JMJD1C: variants seen among roughly 807,000 people sequenced by gnomAD.
JMJD1C encodes the protein jumonji domain containing 1C, also known as jumonji domain-containing protein 1C.
Under a neutral mutation model 245.3 loss-of-function variants are expected in JMJD1C, and 31 were observed. The observed-to-expected ratio is 0.13, with a 90% CI of 0.09 to 0.17. The LOEUF (loss-of-function observed/expected upper bound fraction) is 0.17, where lower values mean the gene tolerates loss of function less well. Among genes scored for constraint, JMJD1C ranks in the 10% least tolerant of loss-of-function variants. The pLI, the probability that JMJD1C is intolerant of heterozygous loss-of-function variation, is 1.00. For synonymous variants in JMJD1C, 1,057 were observed against 1,017.4 expected (o/e 1.04, Z -0.74); for missense variants, 2,691 against 3,000.2 (o/e 0.90, Z 2.41).
intron 1 of JMJD1C, among the ~76,000 whole-genome samples, chr10:63,495,553 C>T (rs893846159): frequency 6.6e-6 from 1 of 152,084 alleles, no homozygotes; most frequent in African/African-American, 2.4e-5. Context: ...GGGCAGATCA[C>T]CTGAGGTCAG....
intron 2 of JMJD1C, among the ~76,000 whole-genome samples, chr10:63,317,924 C>T (rs1014409077): frequency 1.3e-5 from 2 of 152,074 alleles, no homozygotes; most frequent in African/African-American, 4.8e-5. Context: ...GGCTCACTGC[C>T]ACTCCAACCT....
chr10:63,178,284 A>C (rs1435426517), intron 22 of JMJD1C, among the ~76,000 whole-genome samples: 1 of 152,216 alleles, frequency 6.6e-6, no homozygotes. Context: ...TTATATGTTC[A>C]TAACTTTTAG....
chr10:63,210,800 T>C (rs1847221385), intron 8 of JMJD1C, among the ~76,000 whole-genome samples: 1 of 152,210 alleles, frequency 6.6e-6, no homozygotes, highest in Non-Finnish European at 1.5e-5. Flanking sequence ...CTTTCTATTC[T>C]GGTAAAGAGG....
chr10:63,437,383 T>G (rs1253420129), intron 1 of JMJD1C, among the ~76,000 whole-genome samples: 1 of 152,114 alleles, frequency 6.6e-6, no homozygotes, highest in African/African-American at 2.4e-5. Flanking sequence ...AGCTCTTACC[T>G]CTCTCTCACT....
chr10:63,290,883 T>C (rs948266531), intron 2 of JMJD1C, among the ~76,000 whole-genome samples: 5 of 152,202 alleles, frequency 3.3e-5, no homozygotes, highest in African/African-American at 1.2e-4. Flanking sequence ...GAAATCTTTA[T>C]TTTTTTAAGA....
chr10:63,311,888 CAT>C lies in JMJD1C; in HGVS notation c.334-47126_334-47125del, dbSNP rs1286465405. 3.3e-5 allele frequency among the ~76,000 whole-genome samples: 5 copies of C among 152,058 alleles called. No individual in the cohort carries two copies. The East Asian group carries it at 9.6e-4, about 29-fold the overall frequency. The stretch of plus-strand genomic sequence containing the variant: ...GTTAAGATGACAACGCTGCACGGTA[CAT>C]AGTTAGGAATGTATTAGGTTATTCT... On this transcript the variant is annotated intron_variant, in intron 2 of 25. Transcript: ENST00000399262.
At chr10:63,362,331 T>C (rs1281071292) in intron 2 of JMJD1C, among the ~76,000 whole-genome samples, 1 of 152,046 alleles carries the variant, frequency 6.6e-6, no homozygotes, top group African/African-American at 2.4e-5. Context: ...TTTTATTCAT[T>C]ATCTACTCAA....
chr10:63,479,271 C>CTT (rs199545366), intron 1 of JMJD1C, among the ~76,000 whole-genome samples: 64 of 134,916 alleles, frequency 4.7e-4, no homozygotes, highest in East Asian at 2.5e-3. Context: ...TATTTCTTCT[C>CTT]TTTTTTTTTT....
chr10:63,445,302 AGAG>A, intron 1 of JMJD1C, among the ~76,000 whole-genome samples: 1 of 152,342 alleles, frequency 6.6e-6, no homozygotes, highest in African/African-American at 2.4e-5. Flanking sequence ...AAATGTTGAC[AGAG>A]GAGGGAAGAG....
chr10:63,360,638 G>C (rs1198959865), intron 2 of JMJD1C, among the ~76,000 whole-genome samples: 7 of 152,062 alleles, frequency 4.6e-5, no homozygotes, highest in Admixed American at 4.6e-4. Flanking sequence ...TCACTAATTA[G>C]AATTCTTACC....
chr10:63,233,109 C>T (rs899219798), intron 3 of JMJD1C, among the ~76,000 whole-genome samples: 1 of 152,086 alleles, frequency 6.6e-6, no homozygotes, highest in African/African-American at 2.4e-5. Context: ...TGAAGGCTTT[C>T]ACAAAAATTA....
chr10:63,197,274 T>C (rs1266942379), intron 13 of JMJD1C, 137 bp downstream of exon 13: 1 of 732,412 alleles, frequency 1.4e-6, no homozygotes, highest in Non-Finnish European at 2.1e-6. Context: ...ACTTCTCCTC[T>C]TAAAAACAAA....
intron 1 of JMJD1C, chr10:63,428,059 C>T (rs1250561693): frequency 1.7e-6 from 1 of 579,640 alleles, no homozygotes; most frequent in Non-Finnish European, 3.1e-6. Flanking sequence ...AAAATACACA[C>T]AACACACATA....
At chr10:63,328,633 T>C (rs1941799083) in intron 2 of JMJD1C, among the ~76,000 whole-genome samples, 1 of 152,200 alleles carries the variant, frequency 6.6e-6, no homozygotes, top group Non-Finnish European at 1.5e-5. Flanking sequence ...GGGAACAACT[T>C]TCATCTGAAA....
chr10:63,341,521 C>G (rs144177524), intron 2 of JMJD1C, among the ~76,000 whole-genome samples: 2 of 152,122 alleles, frequency 1.3e-5, no homozygotes, highest in Non-Finnish European at 2.9e-5. Context: ...TCCCTGTTTT[C>G]GAGGAGTGAA....
At chr10:63,311,531 TA>T (rs1350057242) in intron 2 of JMJD1C, among the ~76,000 whole-genome samples, 4 of 152,088 alleles carry the variant, frequency 2.6e-5, no homozygotes, top group African/African-American at 9.7e-5. Context: ...TAAAAGTTAT[TA>T]AAAAGAATTA....
At chr10:63,306,022 A>G (rs896198361) in intron 2 of JMJD1C, among the ~76,000 whole-genome samples, 1 of 152,038 alleles carries the variant, frequency 6.6e-6, no homozygotes, top group African/African-American at 2.4e-5. Flanking sequence ...TGTGCCCGGT[A>G]GAGACCCCAT....
At chr10:63,500,757 ATGGATGGATGG>A (rs1954526840) in intron 1 of JMJD1C, among the ~76,000 whole-genome samples, 1 of 150,512 alleles carries the variant, frequency 6.6e-6, no homozygotes, top group Non-Finnish European at 1.5e-5. Context: ...GGATGGATGG[ATGGATGGATGG>A]ATGGATGGAT....
At chr10:63,389,277 A>C (rs1947855834) in intron 1 of JMJD1C, among the ~76,000 whole-genome samples, 1 of 146,504 alleles carries the variant, frequency 6.8e-6, no homozygotes, top group Non-Finnish European at 1.5e-5. Flanking sequence ...GTGCCAATAC[A>C]GTCCAGCCTG....
Sources: allele counts gnomAD v4.1 joint callset (sites outside exome capture counted in the v4.1 genomes callset), GRCh38; gene constraint gnomAD v4.1.1; transcripts MANE v1.5; gene names NCBI Gene and HGNC (gene_info 2026-07-23, HGNC 2026-07-21).